Variants in GALNT17 observed in about 807,000 individuals in gnomAD.
GALNT17 encodes polypeptide N-acetylgalactosaminyltransferase 17.
Under a neutral mutation model 63.7 loss-of-function variants are expected in GALNT17, and 29 were observed. The ratio of observed to expected loss-of-function variants is 0.46; its 90% CI spans 0.34 to 0.62. The LOEUF (loss-of-function observed/expected upper bound fraction) is 0.62, where lower values mean the gene tolerates loss of function less well. Among genes scored for constraint, GALNT17 ranks in the 20% least tolerant of loss-of-function variants. GALNT17 has a pLI of 0.01. For missense variants in GALNT17, 603 were observed against 799.6 expected (o/e 0.75, Z 2.97); for synonymous variants, 305 against 318.3 (o/e 0.96, Z 0.45).
intron 1 of GALNT17, among the ~76,000 whole-genome samples, chr7:71,293,085 C>A (rs2867409): frequency 0.41 from 62,032 of 151,868 alleles, 13,319 homozygotes; most frequent in East Asian, 0.64. Flanking sequence ...TATACACACC[C>A]TGTTTTCTTT....
intron 3 of GALNT17, among the ~76,000 whole-genome samples, chr7:71,409,248 T>C (rs1793388341): frequency 6.6e-6 from 1 of 152,020 alleles, no homozygotes. Flanking sequence ...TGGAGTAAGC[T>C]CTGGCCCACA....
At chr7:71,541,702 C>T (rs1788896252) in intron 5 of GALNT17, among the ~76,000 whole-genome samples, 1 of 152,190 alleles carries the variant, frequency 6.6e-6, no homozygotes. Context: ...CCACCCTTTC[C>T]CTGATTCCTA....
chr7:71,602,293 GCT>G (rs531983713), intron 6 of GALNT17, among the ~76,000 whole-genome samples: 9 of 152,200 alleles, frequency 5.9e-5, no homozygotes, highest in Admixed American at 5.9e-4. Flanking sequence ...CCAAATGTTG[GCT>G]CTTTTTATCT....
intron 1 of GALNT17, among the ~76,000 whole-genome samples, chr7:71,160,722 G>C (rs1788327144): frequency 6.6e-6 from 1 of 152,204 alleles, no homozygotes; most frequent in South Asian, 2.1e-4. Flanking sequence ...GCCCCCCAAA[G>C]TGTTGGGATT....
chr7:71,424,552 A>C (rs1303127884), intron 5 of GALNT17, among the ~76,000 whole-genome samples: 1 of 152,264 alleles, frequency 6.6e-6, no homozygotes, highest in African/African-American at 2.4e-5. Flanking sequence ...AAAAGACTCA[A>C]GAAAGTAGAG....
intron 5 of GALNT17, among the ~76,000 whole-genome samples, chr7:71,457,314 C>T (rs1385101879): frequency 6.6e-6 from 1 of 152,128 alleles, no homozygotes; most frequent in Non-Finnish European, 1.5e-5. Flanking sequence ...AGCAGGTTTG[C>T]CTGATGTAGT....
At chr7:71,159,099 C>T (rs1218694437) in intron 1 of GALNT17, among the ~76,000 whole-genome samples, 1 of 151,776 alleles carries the variant, frequency 6.6e-6, no homozygotes, top group East Asian at 1.9e-4. Flanking sequence ...CTGTCCGTAG[C>T]TGACTCCCAT....
intron 1 of GALNT17, among the ~76,000 whole-genome samples, chr7:71,296,704 GAAAA>G (rs138874755): frequency 0.13 from 19,755 of 146,408 alleles, 1,631 homozygotes; most frequent in Middle Eastern, 0.29. Flanking sequence ...TAAGAACCAA[GAAAA>G]AAAAAACGTG....
At chr7:71,137,644 G>T (rs1562852505) in intron 1 of GALNT17, among the ~76,000 whole-genome samples, 1 of 152,178 alleles carries the variant, frequency 6.6e-6, no homozygotes, top group African/African-American at 2.4e-5. Context: ...GGAGGACTCA[G>T]CTAGAGAGAC....
intron 5 of GALNT17, among the ~76,000 whole-genome samples, chr7:71,515,191 T>A (rs998744560): frequency 2.0e-5 from 3 of 152,070 alleles, no homozygotes; most frequent in African/African-American, 7.2e-5. Context: ...AATACACCAC[T>A]CCATGATTGG....
intron 1 of GALNT17, among the ~76,000 whole-genome samples, chr7:71,305,455 G>T (rs1400088373): frequency 6.6e-6 from 1 of 152,158 alleles, no homozygotes; most frequent in African/African-American, 2.4e-5. Flanking sequence ...TACCCCCTGG[G>T]ATGGCAGATT....
chr7:71,459,230 A>G (rs1173419407), intron 5 of GALNT17, among the ~76,000 whole-genome samples: 1 of 152,152 alleles, frequency 6.6e-6, no homozygotes. Flanking sequence ...GGCAGATAAC[A>G]TAACATTTAT....
intron 6 of GALNT17, among the ~76,000 whole-genome samples, chr7:71,599,208 A>G (rs1431087366): frequency 6.6e-6 from 1 of 152,214 alleles, no homozygotes; most frequent in Non-Finnish European, 1.5e-5. Context: ...ACATGATCCC[A>G]CATGGGTTCA....
At chr7:71,231,759 A>AGAGAGG (rs145525027) in intron 1 of GALNT17, among the ~76,000 whole-genome samples, 3,292 of 150,396 alleles carry the variant, frequency 0.022, 129 homozygotes, top group African/African-American at 0.076. Flanking sequence ...GGAGAGAGAG[A>AGAGAGG]GAGAGGGAGA....
At chr7:71,711,545 C>A (rs1031088355) in intron 10 of GALNT17, among the ~76,000 whole-genome samples, 12 of 151,194 alleles carry the variant, frequency 7.9e-5, no homozygotes, top group Non-Finnish European at 4.4e-5. Context: ...CCCTCTGTCT[C>A]CCTCTCTCTG....
chr7:71,671,371 C>G (rs1791067077), intron 8 of GALNT17, among the ~76,000 whole-genome samples: 1 of 152,132 alleles, frequency 6.6e-6, no homozygotes, highest in Admixed American at 6.5e-5. Context: ...AAGAAGAATC[C>G]CTTTGACTTA....
intron 5 of GALNT17, among the ~76,000 whole-genome samples, chr7:71,524,247 A>AT (rs1491135864): frequency 1.5e-4 from 22 of 147,362 alleles, no homozygotes; most frequent in African/African-American, 4.9e-4. Flanking sequence ...ATATAATAAT[A>AT]ATATATATTA....
intron 5 of GALNT17, among the ~76,000 whole-genome samples, chr7:71,473,971 G>A (rs1313615684): frequency 6.6e-6 from 1 of 152,140 alleles, no homozygotes; most frequent in Admixed American, 6.5e-5. Flanking sequence ...CATAGGCAGA[G>A]TAGCAGTTTG....
rs11413616 is a variant in GALNT17, at chr7:71,406,737, G to GTT, written c.590-9140_590-9139dup. Among the ~76,000 whole-genome samples the GTT allele has an allele frequency of 1.9e-3, 276 of 144,258 alleles. 1 individual carries two copies. The highest frequency in any genetic ancestry group is 3.5e-3 in the Middle Eastern group (1 of 282). The allele number at this position is 144,258 out of a possible 152,430, so 94.6% of individuals were successfully genotyped here. On this transcript the variant is annotated intron_variant, in intron 3 of 10. Transcript: ENST00000333538. ...TCAGGCGCACCTGTATTTCCAGGTGGTTTTTTTTTTTTTGAGATCGCATCT... is the reference window on the plus strand; with the variant it reads ...TCAGGCGCACCTGTATTTCCAGGTGGTTTTTTTTTTTTTTTGAGATCGCATCT...
Sources: allele counts gnomAD v4.1 joint callset (sites outside exome capture counted in the v4.1 genomes callset), GRCh38; gene constraint gnomAD v4.1.1; transcripts MANE v1.5; gene names NCBI Gene and HGNC (gene_info 2026-07-23, HGNC 2026-07-21).